The following SYNE1 variants were observed in gnomAD, a reference collection of about 807,000 sequenced individuals.
SYNE1 encodes spectrin repeat containing nuclear envelope protein 1.
A neutral mutation model predicts 1,111.0 loss-of-function variants in SYNE1; 616 were observed. The observed-to-expected ratio is 0.55, with a 90% CI of 0.52 to 0.59. The LOEUF (loss-of-function observed/expected upper bound fraction) is 0.59. Among genes scored for constraint, SYNE1 ranks in the 20% least tolerant of loss-of-function variants. The pLI, the probability that SYNE1 is intolerant of heterozygous loss-of-function variation, is 0.00. For missense variants in SYNE1, 10,006 were observed against 10,417.0 expected, an observed-to-expected ratio of 0.96 and a Z score of 1.72; for synonymous variants, 3,855 against 3,825.8, an observed-to-expected ratio of 1.01 and a Z score of -0.28.
At chr6:152,616,800 C>A (rs2099653452) in intron 3 of SYNE1, among the ~76,000 whole-genome samples, 2 of 152,170 alleles carry the variant, frequency 1.3e-5, no homozygotes, top group Non-Finnish European at 2.9e-5. Context: ...CCTCCAAATT[C>A]TGACCTCCTC....
chr6:152,321,932 C>A (rs749123070), intron 82 of SYNE1, 46 bp from the exon 83 acceptor site: 3 of 1,608,164 alleles, frequency 1.9e-6, no homozygotes, highest in Non-Finnish European at 2.6e-6. Flanking sequence ...GTGAAAGGAA[C>A]CCCCTAATAC....
intron 3 of SYNE1, among the ~76,000 whole-genome samples, chr6:152,626,012 C>T (rs887057376): frequency 2.0e-5 from 3 of 152,160 alleles, no homozygotes; most frequent in Non-Finnish European, 1.5e-5. Flanking sequence ...CTGTCACAGG[C>T]CTATTTGTGT....
intron 3 of SYNE1, among the ~76,000 whole-genome samples, chr6:152,619,884 A>G (rs1412808319): frequency 3.3e-5 from 5 of 152,136 alleles, no homozygotes; most frequent in Admixed American, 2.0e-4. Context: ...TTATGTCTAA[A>G]TGGGCTCTAC....
intron 86 of SYNE1, 121 bp downstream of exon 86, chr6:152,317,960 A>G: frequency 7.5e-7 from 1 of 1,325,088 alleles, no homozygotes; most frequent in Admixed American, 1.7e-5. Context: ...AGCTACACCT[A>G]AACTACTCTC....
chr6:152,231,437 G>A lies in SYNE1; in HGVS notation c.20993C>T (p.Ala6998Val). 1.2e-6 allele frequency: 2 copies of A among 1,614,044 alleles called. No individual in the cohort carries two copies. Among genetic ancestry groups the A allele is most frequent in the Non-Finnish European group, 1.7e-6 (2 of 1,180,016 alleles). The change falls in exon 114 of 146, where the codon GCA (alanine) becomes GTA (valine). Residue 6998 changes from alanine to valine, a missense_variant. This residue lies in a region of SYNE1 where 2,182 missense variants were observed against 2,287.8 expected (regional missense o/e 0.95). Coordinates refer to ENST00000367255, the MANE Select transcript of SYNE1 (RefSeq NM_182961.4). Reference protein sequence around the residue: ...DKTDFAEQLGAMNKSWQILQG... With the variant: ...DKTDFAEQLGVMNKSWQILQG... ...CAGAATTTGCCAACTTTTATTCATT[G>A]CTCCAAGTTGCTCAGCAAAATCAGT...
intron 96 of SYNE1, among the ~76,000 whole-genome samples, chr6:152,283,486 T>G (rs974004383): frequency 6.6e-6 from 1 of 152,248 alleles, no homozygotes; most frequent in African/African-American, 2.4e-5. Context: ...TATTCATGGC[T>G]ACACACTGAC....
Position 152,309,905 on chromosome 6 carries a change from G to A in SYNE1, c.17132C>T (p.Ala5711Val). 6.2e-7 allele frequency: 1 copy of A among 1,614,166 alleles called. No individual in the cohort carries two copies. Among genetic ancestry groups the A allele is most frequent in the South Asian group, 1.1e-5 (1 of 91,086 alleles). ...GGCCTCTTCCTGCAGCCGCAGAGCA[G>A]CATGACAGAGAGGTAAGCTGGCAAC... is the stretch of plus-strand genomic sequence containing the variant. ...DVVASLPLCH[A>V]ALRLQEEASR... Residue 5711 changes from alanine (A) to valine (V), a missense_variant, in exon 90 of 146, where the codon GCT becomes GTT. Coordinates refer to ENST00000367255, the MANE Select transcript of SYNE1 (RefSeq NM_182961.4).
chr6:152,369,459 C>A lies in SYNE1; in HGVS notation c.9651+12G>T, dbSNP rs143173603. On this transcript the variant is annotated intron_variant, in intron 60 of 145. Coordinates refer to ENST00000367255, the MANE Select transcript of SYNE1 (RefSeq NM_182961.4). ...TAGGTCAGATGGGGCTACGGGGAGG[C>A]GGGCTCATCACCTGGAGCTTCTGCT... The A allele has an allele frequency of 6.2e-7, 1 of 1,613,970 alleles. No individual in the cohort carries two copies. The highest frequency in any genetic ancestry group is 8.5e-7 in the Non-Finnish European group (1 of 1,180,018).
At chr6:152,282,498 A>G (rs2094096036) in intron 96 of SYNE1, among the ~76,000 whole-genome samples, 1 of 152,194 alleles carries the variant, frequency 6.6e-6, no homozygotes, top group Non-Finnish European at 1.5e-5. Flanking sequence ...GGAGAAATCC[A>G]AATTTCTAGG....
At chr6:152,217,588 A>T (rs1310130772) in intron 121 of SYNE1, among the ~76,000 whole-genome samples, 1 of 152,066 alleles carries the variant, frequency 6.6e-6, no homozygotes, top group African/African-American at 2.4e-5. Flanking sequence ...GGGTGAATGG[A>T]TGCAGATCTG....
At chr6:152,160,334 G>A (rs887986083) in intron 131 of SYNE1, among the ~76,000 whole-genome samples, 8 of 151,890 alleles carry the variant, frequency 5.3e-5, no homozygotes, top group East Asian at 1.9e-4. Context: ...AACTCCTTCC[G>A]GAGTGGTTAA....
chr6:152,355,146 CAGA>C (rs1168360782), intron 66 of SYNE1, among the ~76,000 whole-genome samples, 170 bp from the exon 67 acceptor site: 2 of 152,130 alleles, frequency 1.3e-5, no homozygotes, highest in African/African-American at 4.8e-5. Flanking sequence ...TCTCCGAAGT[CAGA>C]AGGATTCCTA....
chr6:152,409,812 C>G (rs1254303586), intron 42 of SYNE1, 103 bp from the exon 43 acceptor site: 1 of 1,240,474 alleles, frequency 8.1e-7, no homozygotes, highest in African/African-American at 1.5e-5. Context: ...GGTATTAATA[C>G]TCATAGACGG....
At chr6:152,292,841 C>T (rs749597223) in intron 95 of SYNE1, among the ~76,000 whole-genome samples, 1 of 152,178 alleles carries the variant, frequency 6.6e-6, no homozygotes, top group Admixed American at 6.5e-5. Flanking sequence ...TCCTACCTCA[C>T]GGTGATGAAT....
At chr6:152,348,300 G>A (rs895400416) in intron 72 of SYNE1, among the ~76,000 whole-genome samples, 1 of 152,134 alleles carries the variant, frequency 6.6e-6, no homozygotes, top group Non-Finnish European at 1.5e-5. Context: ...GACACAGCTC[G>A]GCCTGATTTC....
At chr6:152,313,332 T>G (rs967683248) in intron 87 of SYNE1, among the ~76,000 whole-genome samples, 8 of 152,164 alleles carry the variant, frequency 5.3e-5, no homozygotes, top group African/African-American at 1.7e-4. Flanking sequence ...ATTCTGTGAC[T>G]AAGAATGCCT....
chr6:152,367,787 T>G, intron 61 of SYNE1: 3 of 237,882 alleles, frequency 1.3e-5, no homozygotes, highest in Non-Finnish European at 8.3e-6. Context: ...AATCTGAGAT[T>G]TTTGTAATAT....
intron 104 of SYNE1, among the ~76,000 whole-genome samples, chr6:152,252,197 G>A (rs540051161): frequency 2.0e-5 from 3 of 152,144 alleles, no homozygotes; most frequent in South Asian, 2.1e-4. Flanking sequence ...GTTTGAACAC[G>A]GGAGGCAGAG....
intron 6 of SYNE1, among the ~76,000 whole-genome samples, chr6:152,514,104 T>C (rs1418945929): frequency 3.3e-5 from 5 of 152,132 alleles, no homozygotes; most frequent in Admixed American, 2.0e-4. Flanking sequence ...GAAATACCAT[T>C]TGACCCAGCA....
Sources: gnomAD v4.1 joint callset for allele counts (sites outside exome capture counted in the v4.1 genomes callset) on GRCh38, gnomAD v4.1.1 for gene constraint, gnomAD v4.1.1 regional missense constraint, MANE v1.5 for transcripts, NCBI Gene and HGNC (gene_info 2026-07-23, HGNC 2026-07-21) for gene names.